Variants in WARS2 observed in about 807,000 individuals in gnomAD.
WARS2 encodes tryptophanyl tRNA synthetase 2, mitochondrial.
Under a neutral mutation model 36.5 loss-of-function variants are expected in WARS2, and 28 were observed. The observed-to-expected ratio is 0.77, with a 90% CI of 0.57 to 1.05. The LOEUF (loss-of-function observed/expected upper bound fraction) is 1.05, where lower values mean the gene tolerates loss of function less well. Among genes scored for constraint, WARS2 ranks in the 50% least tolerant of loss-of-function variants. WARS2 has a pLI of 0.00. For missense variants in WARS2, 435 were observed against 456.8 expected (o/e 0.95, Z 0.44); for synonymous variants, 174 against 178.4 (o/e 0.98, Z 0.20).
At chr1:119,122,747 T>A (rs1470868544) in intron 1 of WARS2, among the ~76,000 whole-genome samples, 2 of 152,136 alleles carry the variant, frequency 1.3e-5, no homozygotes, top group Non-Finnish European at 2.9e-5. Context: ...GCAACCTGGA[T>A]GAAGTTGGAG....
chr1:119,065,244 G>A (rs1650732579), intron 2 of WARS2, among the ~76,000 whole-genome samples: 1 of 152,062 alleles, frequency 6.6e-6, no homozygotes, highest in Non-Finnish European at 1.5e-5. Flanking sequence ...ACAGAACTTA[G>A]AAGGAAATTT....
chr1:119,068,555 G>T (rs537753138), intron 2 of WARS2, among the ~76,000 whole-genome samples: 1 of 152,172 alleles, frequency 6.6e-6, no homozygotes, highest in African/African-American at 2.4e-5. Flanking sequence ...CACAATATCT[G>T]GTGGCCCCAA....
At chr1:119,051,392 A>G (rs1213217592) in intron 2 of WARS2, among the ~76,000 whole-genome samples, 1 of 152,194 alleles carries the variant, frequency 6.6e-6, no homozygotes, top group Non-Finnish European at 1.5e-5. Flanking sequence ...CTGCACAGTA[A>G]TCCATGGTAA....
chr1:119,086,965 G>T (rs2101383851), intron 1 of WARS2, among the ~76,000 whole-genome samples: 1 of 151,990 alleles, frequency 6.6e-6, no homozygotes. Flanking sequence ...ACTCTCCTTG[G>T]TCATTAAGCC....
In WARS2 at chr1:119,086,016, C is replaced by T; in HGVS notation, c.91-9409G>A. On this transcript the variant is annotated intron_variant, in intron 1 of 5. Transcript: ENST00000235521. ...CCCAGGCAAGGCAGTGTGGCACATA[C>T]CCTGGCTAATTTTTTAAATTTCTCG... 3 of 1,549,848 alleles carry T rather than the reference C, an allele frequency of 1.9e-6. No homozygotes were observed. In the South Asian group the frequency reaches 3.4e-5, roughly 18 times the overall value.
chr1:119,127,463 A>G (rs940527910), intron 1 of WARS2, among the ~76,000 whole-genome samples: 2 of 152,168 alleles, frequency 1.3e-5, no homozygotes, highest in Non-Finnish European at 2.9e-5. Flanking sequence ...TTTTATCTCG[A>G]TGTTCTTATC....
At chr1:119,091,111 A>G (rs1337588531) in intron 1 of WARS2, among the ~76,000 whole-genome samples, 1 of 152,234 alleles carries the variant, frequency 6.6e-6, no homozygotes, top group Non-Finnish European at 1.5e-5. Flanking sequence ...AGTGTAATCT[A>G]AAGGACTTGA....
At chr1:119,033,709 T>A (rs1647642038) in intron 5 of WARS2, among the ~76,000 whole-genome samples, 1 of 152,240 alleles carries the variant, frequency 6.6e-6, no homozygotes, top group Non-Finnish European at 1.5e-5. Context: ...GTAGGTTATG[T>A]GTGTTAAATG....
chr1:119,092,575 C>T (rs1557974759), intron 1 of WARS2, among the ~76,000 whole-genome samples: 1 of 152,180 alleles, frequency 6.6e-6, no homozygotes, highest in African/African-American at 2.4e-5. Context: ...ATGATACAAC[C>T]ATCTACCTAG....
At chr1:119,110,653 C>A (rs1048591127) in intron 1 of WARS2, among the ~76,000 whole-genome samples, 3 of 151,806 alleles carry the variant, frequency 2.0e-5, no homozygotes, top group African/African-American at 7.3e-5. Context: ...GCTTGGTGGT[C>A]TCTGAGTTTC....
chr1:119,046,285 GTTTTTTT>G (rs71070781), intron 2 of WARS2, among the ~76,000 whole-genome samples: 28,597 of 102,292 alleles, frequency 0.28, 3,040 homozygotes, highest in African/African-American at 0.36. Flanking sequence ...CTCCTTTTCT[GTTTTTTT>G]TTTTTTTTTT....
chr1:119,068,598 A>T (rs1651054376), intron 2 of WARS2, among the ~76,000 whole-genome samples: 1 of 152,146 alleles, frequency 6.6e-6, no homozygotes, highest in Non-Finnish European at 1.5e-5. Context: ...GCAGAAATCC[A>T]GTGCCTAGAG....
intron 1 of WARS2, 108 bp from the exon 2 acceptor site, chr1:119,076,715 T>C (rs912171090): frequency 6.6e-5 from 97 of 1,467,108 alleles, no homozygotes; most frequent in Non-Finnish European, 8.2e-5. Context: ...TAAACTACAA[T>C]CTGACAGTCA....
intron 1 of WARS2, among the ~76,000 whole-genome samples, chr1:119,129,179 A>G (rs1655908604): frequency 6.6e-6 from 1 of 152,216 alleles, no homozygotes. Flanking sequence ...TAATGGCATT[A>G]GGAGGTGCGG....
At chr1:119,128,677 A>AATCC (rs1655865997) in intron 1 of WARS2, among the ~76,000 whole-genome samples, 1 of 150,464 alleles carries the variant, frequency 6.6e-6, no homozygotes. Flanking sequence ...AGCTGACAGT[A>AATCC]ATCCCATCAG....
chr1:119,052,056 G>A (rs1256721153), intron 2 of WARS2, among the ~76,000 whole-genome samples: 7 of 151,812 alleles, frequency 4.6e-5, no homozygotes, highest in Non-Finnish European at 7.4e-5. Flanking sequence ...CACCGCACCC[G>A]GCCCTTGCTG....
At chr1:119,066,530 A>T (rs982180775) in intron 2 of WARS2, among the ~76,000 whole-genome samples, 1 of 151,810 alleles carries the variant, frequency 6.6e-6, no homozygotes, top group Non-Finnish European at 1.5e-5. Context: ...ATGATAATGT[A>T]TAACAAAGGA....
chr1:119,077,268 G>C (rs1466367489), intron 1 of WARS2, among the ~76,000 whole-genome samples: 2 of 152,086 alleles, frequency 1.3e-5, no homozygotes, highest in African/African-American at 4.8e-5. Flanking sequence ...GAATGATACA[G>C]AATAGGGTTC....
chr1:119,077,511 T>C (rs587736294), intron 1 of WARS2, among the ~76,000 whole-genome samples: 37 of 152,310 alleles, frequency 2.4e-4, no homozygotes, highest in African/African-American at 8.9e-4. Context: ...TATGAGATCT[T>C]GGGCTAGAAA....
Sources: gnomAD v4.1 joint callset for allele counts (sites outside exome capture counted in the v4.1 genomes callset) on GRCh38, gnomAD v4.1.1 for gene constraint, MANE v1.5 for transcripts, NCBI Gene and HGNC (gene_info 2026-07-23, HGNC 2026-07-21) for gene names.